The following CNTNAP2 variants were observed in gnomAD, a reference collection of about 807,000 sequenced individuals.
The protein encoded by CNTNAP2 is contactin associated protein 2.
Under a neutral mutation model 155.2 loss-of-function variants are expected in CNTNAP2, and 98 were observed. The observed-to-expected ratio is 0.63, with a 90% CI of 0.54 to 0.75. The LOEUF is 0.75. CNTNAP2 is among the 30% of genes least tolerant of loss of function. The probability of loss-of-function intolerance (pLI) is 0.00; values close to 1 mark genes in which losing one functional copy is unlikely to be tolerated. For missense variants in CNTNAP2, 1,727 were observed against 1,688.1 expected (o/e 1.02, Z -0.40); for synonymous variants, 651 against 631.2 (o/e 1.03, Z -0.47).
chr7:146,576,295 A>T (rs1057169110), intron 1 of CNTNAP2, among the ~76,000 whole-genome samples: 2 of 152,190 alleles, frequency 1.3e-5, no homozygotes, highest in African/African-American at 4.8e-5. Flanking sequence ...TTTCTAGAGG[A>T]AAGCTTATTT....
intron 1 of CNTNAP2, among the ~76,000 whole-genome samples, chr7:146,543,074 A>C (rs765868114): frequency 1.3e-5 from 2 of 151,964 alleles, no homozygotes; most frequent in Non-Finnish European, 1.5e-5. Flanking sequence ...CTTGCCACAA[A>C]AAATGATAAA....
chr7:146,940,389 T>G (rs1036947184), intron 3 of CNTNAP2, among the ~76,000 whole-genome samples: 1 of 151,736 alleles, frequency 6.6e-6, no homozygotes, highest in African/African-American at 2.4e-5. Context: ...TAGAGACGGG[T>G]TTCACCTTGT....
intron 9 of CNTNAP2, among the ~76,000 whole-genome samples, chr7:147,322,390 T>C (rs1015764611): frequency 6.6e-6 from 1 of 152,214 alleles, no homozygotes; most frequent in African/African-American, 2.4e-5. Flanking sequence ...TGAATTTGAT[T>C]ATAGTTTGTG....
intron 13 of CNTNAP2, among the ~76,000 whole-genome samples, chr7:147,714,377 G>T (rs1339242030): frequency 6.6e-6 from 1 of 152,028 alleles, no homozygotes; most frequent in African/African-American, 2.4e-5. Context: ...GTACTTGGGA[G>T]AGGCAAGGGA....
chr7:147,154,499 A>G (rs1354646613), intron 8 of CNTNAP2, among the ~76,000 whole-genome samples: 1 of 152,192 alleles, frequency 6.6e-6, no homozygotes, highest in African/African-American at 2.4e-5. Context: ...TTTATCATAA[A>G]CAATTGTAGA....
chr7:146,687,256 C>G (rs1800616802), intron 1 of CNTNAP2, among the ~76,000 whole-genome samples: 1 of 152,080 alleles, frequency 6.6e-6, no homozygotes, highest in Non-Finnish European at 1.5e-5. Context: ...GGTTAAACTG[C>G]CTGGAATGAA....
At chr7:147,899,892 CAA>C (rs11366376) in intron 13 of CNTNAP2, among the ~76,000 whole-genome samples, 4 of 141,940 alleles carry the variant, frequency 2.8e-5, no homozygotes. Context: ...GACTCCATCT[CAA>C]AAAAAAAAAA....
At chr7:147,418,573 T>C (rs1171279620) in intron 10 of CNTNAP2, among the ~76,000 whole-genome samples, 1 of 152,156 alleles carries the variant, frequency 6.6e-6, no homozygotes, top group East Asian at 1.9e-4. Flanking sequence ...CCCAGAGTAA[T>C]GATAGTCTAA....
chr7:147,423,771 C>T (rs1215091954), intron 10 of CNTNAP2, among the ~76,000 whole-genome samples: 1 of 152,156 alleles, frequency 6.6e-6, no homozygotes, highest in African/African-American at 2.4e-5. Context: ...ACAACTACTC[C>T]ATAATTGTGC....
chr7:146,800,303 G>A (rs980138336), intron 2 of CNTNAP2, among the ~76,000 whole-genome samples: 11 of 152,066 alleles, frequency 7.2e-5, no homozygotes, highest in African/African-American at 2.7e-4. Flanking sequence ...AGTGAAGCCA[G>A]CACTGCTATA....
At chr7:146,419,978 C>A (rs756262629) in intron 1 of CNTNAP2, among the ~76,000 whole-genome samples, 1 of 152,116 alleles carries the variant, frequency 6.6e-6, no homozygotes, top group African/African-American at 2.4e-5. Context: ...ACAGATAAGG[C>A]CTGCAAAAGT....
intron 6 of CNTNAP2, among the ~76,000 whole-genome samples, chr7:147,128,145 G>A (rs891785667): frequency 8.5e-5 from 13 of 152,050 alleles, no homozygotes; most frequent in Non-Finnish European, 4.4e-5. Context: ...AATCAATATT[G>A]TAATGATATT....
intron 1 of CNTNAP2, among the ~76,000 whole-genome samples, chr7:146,654,120 C>T (rs1319732043): frequency 9.9e-5 from 15 of 152,030 alleles, no homozygotes; most frequent in Non-Finnish European, 4.4e-5. Context: ...TTTAATGTTG[C>T]TTGCGAATGC....
intron 13 of CNTNAP2, among the ~76,000 whole-genome samples, chr7:147,752,760 G>T (rs1797156215): frequency 6.6e-6 from 1 of 152,094 alleles, no homozygotes; most frequent in Admixed American, 6.5e-5. Flanking sequence ...CATTTCCTGG[G>T]ATCAAATTAT....
At chr7:147,710,033 A>C (rs1466164247) in intron 13 of CNTNAP2, among the ~76,000 whole-genome samples, 1 of 152,094 alleles carries the variant, frequency 6.6e-6, no homozygotes, top group Non-Finnish European at 1.5e-5. Context: ...ACAGTTGTAC[A>C]CCAGTTTGTA....
chr7:147,085,069 C>G (rs1234542501), intron 4 of CNTNAP2, among the ~76,000 whole-genome samples: 1 of 151,944 alleles, frequency 6.6e-6, no homozygotes, highest in Non-Finnish European at 1.5e-5. Flanking sequence ...GTTAGAAAAG[C>G]ATTTTTTGTT....
chr7:146,711,303 GTATATAT>G (rs989114367), intron 1 of CNTNAP2, among the ~76,000 whole-genome samples: 2,311 of 145,124 alleles, frequency 0.016, 36 homozygotes, highest in Middle Eastern at 0.032. Flanking sequence ...ATACATATAT[GTATATAT>G]TATATGTGTA....
chr7:146,493,743 A>C (rs1797172525), intron 1 of CNTNAP2, among the ~76,000 whole-genome samples: 1 of 152,190 alleles, frequency 6.6e-6, no homozygotes, highest in Admixed American at 6.5e-5. Flanking sequence ...TTTATTACTA[A>C]GAAAAAGGAA....
chr7:146,147,738 G>C (rs1428341563), intron 1 of CNTNAP2, among the ~76,000 whole-genome samples: 2 of 152,110 alleles, frequency 1.3e-5, no homozygotes, highest in African/African-American at 4.8e-5. Context: ...TATACTGTCT[G>C]TCTACAAAAT....
Sources: allele counts gnomAD v4.1 joint callset (sites outside exome capture counted in the v4.1 genomes callset), GRCh38; gene constraint gnomAD v4.1.1; transcripts MANE v1.5; gene names NCBI Gene and HGNC (gene_info 2026-07-23, HGNC 2026-07-21).